Variants in CHST3 observed in about 807,000 individuals in gnomAD.
CHST3 encodes the protein C6ST-1.
CHST3 carries 20 observed loss-of-function variants against 35.4 expected under a neutral mutation model. That is an observed-to-expected ratio of 0.57 (90% confidence interval 0.40 to 0.82). CHST3 has a LOEUF of 0.82. Ranked by LOEUF, CHST3 falls within the 40% of genes least tolerant of loss-of-function variation. The pLI, the probability that CHST3 is intolerant of heterozygous loss-of-function variation, is 0.00. For synonymous variants in CHST3, 334 were observed against 295.9 expected, an observed-to-expected ratio of 1.13 and a Z score of -1.32; for missense variants, 693 against 670.1, an observed-to-expected ratio of 1.03 and a Z score of -0.38.
rs1339070269 is a variant in CHST3, at chr10:72,007,653, A to G, written c.622A>G (p.Thr208Ala). The change falls in exon 3 of 3, where the codon ACG becomes GCG. Residue 208 changes from threonine (T) to alanine (A), a missense_variant. Thr to Ala is a moderately conservative substitution (Grantham distance 58). Transcript: ENST00000373115. ...CCTGTACGTGCTGGAGCACTTCATC[A>G]CGCCGCTGCCCGAGGACCACCTGAC... ...CDLYVLEHFI[T>A]PLPEDHLTQF... 6.2e-7 allele frequency: 1 copy of G among 1,609,334 alleles called. No homozygotes were observed. The highest frequency in any genetic ancestry group is 8.5e-7 in the Non-Finnish European group (1 of 1,179,404).
rs1840026044 is a variant in CHST3 at position 72,005,144 on chromosome 10, T to C, written c.-107-592T>C. On this transcript the variant is annotated intron_variant, in intron 1 of 2. Transcript: ENST00000373115. ...TGTCTCAAAAACAAACAAACAATTA[T>C]TGGCAATTAGTGGGTAGAGGCCAAG... Among the ~76,000 whole-genome samples the C allele has an allele frequency of 2.0e-5, 3 of 152,158 alleles. No homozygotes were observed. The South Asian group carries it at 6.2e-4, about 32-fold the overall frequency.
intron 1 of CHST3, among the ~76,000 whole-genome samples, chr10:72,001,882 T>C (rs1839996594): frequency 6.6e-6 from 1 of 152,176 alleles, no homozygotes; most frequent in Non-Finnish European, 1.5e-5. Context: ...CCTTGCACCA[T>C]GGAAGTGGGA....
chr10:72,002,432 T>C (rs956116113), intron 1 of CHST3, among the ~76,000 whole-genome samples: 8 of 152,354 alleles, frequency 5.3e-5, no homozygotes, highest in African/African-American at 1.9e-4. Flanking sequence ...GACCCGCACC[T>C]GCCTTTTCAC....
intron 1 of CHST3, among the ~76,000 whole-genome samples, chr10:72,001,944 C>A (rs1839996946): frequency 6.6e-6 from 1 of 152,304 alleles, no homozygotes; most frequent in South Asian, 2.1e-4. Flanking sequence ...AGGCCTGCTT[C>A]TTGTAAAGGG....
intron 1 of CHST3, among the ~76,000 whole-genome samples, chr10:71,985,021 C>T (rs541299550): frequency 5.3e-5 from 8 of 152,326 alleles, no homozygotes; most frequent in South Asian, 4.1e-4. Context: ...TCCTTCCTGC[C>T]GCAGAATTGC....
chr10:71,993,241 A>C (rs1374343420), intron 1 of CHST3, among the ~76,000 whole-genome samples: 2 of 152,354 alleles, frequency 1.3e-5, no homozygotes, highest in Admixed American at 1.3e-4. Context: ...CATCTTCACC[A>C]GGAGTAGCTT....
chr10:71,998,653 C>T (rs951420190), intron 1 of CHST3, among the ~76,000 whole-genome samples: 8 of 152,186 alleles, frequency 5.3e-5, no homozygotes, highest in African/African-American at 1.9e-4. Flanking sequence ...CTGTGGCAGC[C>T]CCACCCCTGC....
intron 1 of CHST3, among the ~76,000 whole-genome samples, chr10:71,996,575 T>G: frequency 6.6e-6 from 1 of 152,168 alleles, no homozygotes; most frequent in Non-Finnish European, 1.5e-5. Flanking sequence ...CATAAGCATC[T>G]TTCTAGGCAA....
chr10:72,002,793 G>A (rs1324460535), intron 1 of CHST3, among the ~76,000 whole-genome samples: 2 of 152,330 alleles, frequency 1.3e-5, no homozygotes, highest in South Asian at 2.1e-4. Flanking sequence ...CATGGGGGAC[G>A]TAGCCCCACT....
At chr10:71,998,360 C>T (rs532321717) in intron 1 of CHST3, among the ~76,000 whole-genome samples, 5 of 152,264 alleles carry the variant, frequency 3.3e-5, no homozygotes, top group Admixed American at 1.3e-4. Context: ...ATGTCCAGGT[C>T]GGTTCTGAAT....
chr10:72,003,793 C>T (rs1840014432), intron 1 of CHST3, among the ~76,000 whole-genome samples: 1 of 152,082 alleles, frequency 6.6e-6, no homozygotes, highest in Non-Finnish European at 1.5e-5. Context: ...AGTGGCACAC[C>T]TATAGTCCCA....
intron 1 of CHST3, among the ~76,000 whole-genome samples, chr10:72,001,675 T>C (rs192776117): frequency 2.8e-4 from 42 of 152,184 alleles, no homozygotes; most frequent in African/African-American, 8.9e-4. Context: ...GGTTTCACCA[T>C]GTTGGCCAGG....
At position 72,010,239 on chromosome 10, in the gene CHST3, T is replaced by A. The variant is rs1010062444; in HGVS notation, c.*1768T>A. 2.0e-5 allele frequency: 3 copies of A among 152,188 alleles called. No homozygotes were observed. The highest frequency in any genetic ancestry group is 7.2e-5 in the African/African-American group (3 of 41,408). 9.4% of individuals were successfully genotyped at this position (152,188 alleles called of 1,614,324 possible). ...GTAGAAGGCCTTCCCCACTCCCACC[T>A]CAAACCCAGGAGCAGAACTCAGTAT... On this transcript the variant is annotated 3_prime_UTR_variant, in exon 3 of 3. Coordinates refer to ENST00000373115, the MANE Select transcript of CHST3 (RefSeq NM_004273.5).
At chr10:72,006,555 G>A (rs1338587121) in intron 2 of CHST3, among the ~76,000 whole-genome samples, 1 of 152,202 alleles carries the variant, frequency 6.6e-6, no homozygotes, top group Non-Finnish European at 1.5e-5. Context: ...AACTCCAGGG[G>A]CATGTCCCTC....
intron 2 of CHST3, 45 bp downstream of exon 2, chr10:72,006,027 G>T (rs774769887): frequency 1.3e-6 from 2 of 1,535,894 alleles, no homozygotes; most frequent in Non-Finnish European, 1.8e-6. Flanking sequence ...TCAAGGTGGG[G>T]TGGGTGGGGA....
chr10:71,971,167 T>G (rs1447077465), intron 1 of CHST3, among the ~76,000 whole-genome samples: 1 of 152,104 alleles, frequency 6.6e-6, no homozygotes, highest in African/African-American at 2.4e-5. Context: ...CTGAGGGCCC[T>G]TCTCGTTCTC....
intron 1 of CHST3, among the ~76,000 whole-genome samples, chr10:71,972,204 G>A (rs1839702149): frequency 6.6e-6 from 1 of 152,214 alleles, no homozygotes; most frequent in Non-Finnish European, 1.5e-5. Context: ...CACAGCCGGT[G>A]AGGGGCAAAG....
At position 72,006,045 on chromosome 10, in the gene CHST3, G is replaced by A; in HGVS notation, c.140+63G>A. ...AGGTGGGGTGGGTGGGGACAGGGAG[G>A]TAACTGCAGGGCTCTCTGTGGACCT... On this transcript the variant is annotated intron_variant, in intron 2 of 2. Transcript: ENST00000373115. The A allele has an allele frequency of 3.8e-6, 6 of 1,581,254 alleles. No individual in the cohort carries two copies. The South Asian group carries it at 5.6e-5, about 15-fold the overall frequency.
chr10:71,985,163 C>T (rs563545012), intron 1 of CHST3, among the ~76,000 whole-genome samples: 5 of 152,338 alleles, frequency 3.3e-5, no homozygotes, highest in Admixed American at 1.3e-4. Context: ...CAGTCTCCTT[C>T]GCCCCAAGGC....
Sources: gnomAD v4.1 joint callset for allele counts (sites outside exome capture counted in the v4.1 genomes callset) on GRCh38, gnomAD v4.1.1 for gene constraint, MANE v1.5 for transcripts, NCBI Gene and HGNC (gene_info 2026-07-23, HGNC 2026-07-21) for gene names.